The following FOCAD variants were observed in gnomAD, a reference collection of about 807,000 sequenced individuals.
The protein encoded by FOCAD is KIAA1797.
In FOCAD, 198 loss-of-function variants were observed where a neutral mutation model predicts 225.6. The observed-to-expected ratio is 0.88, with a 90% CI of 0.78 to 0.99. FOCAD has a LOEUF of 0.99. Ranked by LOEUF, FOCAD falls within the 50% of genes least tolerant of loss-of-function variation. FOCAD has a pLI of 0.00. For missense variants in FOCAD, 2,713 were observed against 2,123.6 expected (o/e 1.28, Z -5.46); for synonymous variants, 897 against 755.0 (o/e 1.19, Z -3.08).
chr9:20,791,116 G>C (rs996007303), intron 11 of FOCAD, among the ~76,000 whole-genome samples: 1 of 152,022 alleles, frequency 6.6e-6, no homozygotes, highest in Non-Finnish European at 1.5e-5. Flanking sequence ...ATAATGCCTG[G>C]AGATTATCTA....
chr9:20,802,763 A>G (rs572194619), intron 11 of FOCAD, among the ~76,000 whole-genome samples: 3 of 152,268 alleles, frequency 2.0e-5, no homozygotes, highest in African/African-American at 4.8e-5. Context: ...TTAATTTGAT[A>G]TAGGCGGAAT....
At chr9:20,845,442 G>GAGATATATATATATATATATATAT (rs368497237) in intron 15 of FOCAD, among the ~76,000 whole-genome samples, 319 of 121,110 alleles carry the variant, frequency 2.6e-3, no homozygotes, top group African/African-American at 6.3e-3. Flanking sequence ...TCTTTTCCTC[G>GAGATATATATATATATATATATAT]ATATATATAT....
chr9:20,948,169 G>T, intron 30 of FOCAD, 102 bp from the exon 31 acceptor site: 1 of 1,100,174 alleles, frequency 9.1e-7, no homozygotes. Context: ...TTGTCATTAG[G>T]AAAGTTAGCA....
intron 28 of FOCAD, among the ~76,000 whole-genome samples, chr9:20,939,427 A>G (rs1836399627): frequency 6.6e-6 from 1 of 152,018 alleles, no homozygotes; most frequent in Non-Finnish European, 1.5e-5. Context: ...AAGATGTTAT[A>G]AAGTTGGGAA....
At chr9:20,991,068 G>A (rs898301473) in intron 42 of FOCAD, among the ~76,000 whole-genome samples, 3 of 152,176 alleles carry the variant, frequency 2.0e-5, no homozygotes, top group African/African-American at 7.2e-5. Context: ...TTGGGTGAAG[G>A]GGAAGATGAC....
At chr9:20,952,901 G>T in intron 34 of FOCAD, 84 bp from the exon 35 acceptor site, 1 of 1,056,080 alleles carries the variant, frequency 9.5e-7, no homozygotes, top group South Asian at 1.3e-5. Flanking sequence ...TCTCTAGGTT[G>T]ATATGGCAGC....
chr9:20,941,820 G>A (rs1159737236), intron 28 of FOCAD, among the ~76,000 whole-genome samples: 1 of 152,034 alleles, frequency 6.6e-6, no homozygotes, highest in East Asian at 1.9e-4. Context: ...TGCTTTCAGT[G>A]GACAGAAAGT....
chr9:20,839,792 TTG>T (rs1180984304), intron 15 of FOCAD, among the ~76,000 whole-genome samples: 9 of 152,076 alleles, frequency 5.9e-5, no homozygotes, highest in Admixed American at 2.6e-4. Context: ...TATCATTTCT[TTG>T]TGTTATGAAC....
At chr9:20,974,602 T>G in intron 35 of FOCAD, among the ~76,000 whole-genome samples, 1 of 150,020 alleles carries the variant, frequency 6.7e-6, no homozygotes, top group African/African-American at 2.5e-5. Flanking sequence ...TGGCCTCTGC[T>G]TCTCCTTTTT....
At position 20,789,425 on chromosome 9, in the gene FOCAD, A is replaced by G. The variant is rs75184203; in HGVS notation, c.1272A>G (p.Val424=). Residue 424 remains valine, a synonymous_variant, in exon 11 of 44, where the codon GTA becomes GTG. Transcript: ENST00000338382. ...TTACAGCCTGGAGGATTCTTGAAGT[A>G]ATGACAGACTCGTCTGCTGCAAGTG... is the stretch of plus-strand genomic sequence containing the variant. The part of the protein sequence containing the change: ...TIFTAWRILE[V]MTDSSAASDW... 3.6e-4 allele frequency: 573 copies of G among 1,614,038 alleles called. 2 individuals are homozygous for G. In the African/African-American group the frequency reaches 6.7e-3, roughly 19 times the overall value.
In FOCAD at chr9:20,988,911, C is replaced by T. The variant is rs549136042; in HGVS notation, c.5004+482C>T. On this transcript the variant is annotated intron_variant, in intron 41 of 43. Transcript: ENST00000338382. ...GTGTATGCAGATAATCTTATGTGTG[C>T]CAATACTTATGTGCATGTGTGCATA... Among the ~76,000 whole-genome samples the T allele has an allele frequency of 7.2e-5, 11 of 152,174 alleles. No individual in the cohort carries two copies. In the East Asian group the frequency reaches 1.7e-3, roughly 24 times the overall value.
intron 10 of FOCAD, chr9:20,786,868 C>T: frequency 5.2e-6 from 1 of 191,766 alleles, no homozygotes; most frequent in Non-Finnish European, 1.1e-5. Context: ...ATATATAATT[C>T]ACATAACATA....
intron 11 of FOCAD, among the ~76,000 whole-genome samples, chr9:20,797,746 G>A (rs1198443671): frequency 6.6e-6 from 1 of 152,108 alleles, no homozygotes; most frequent in Non-Finnish European, 1.5e-5. Context: ...CAGATTTTGG[G>A]CTGAGACGAT....
intron 1 of FOCAD, among the ~76,000 whole-genome samples, chr9:20,698,788 T>C (rs1563887520): frequency 6.6e-6 from 1 of 152,258 alleles, no homozygotes; most frequent in South Asian, 2.1e-4. Context: ...TTTCAATTAC[T>C]GATCAATATT....
chr9:20,987,124 C>G (rs1275589880), intron 40 of FOCAD, among the ~76,000 whole-genome samples: 1 of 152,178 alleles, frequency 6.6e-6, no homozygotes, highest in African/African-American at 2.4e-5. Context: ...GGCTGGGAAG[C>G]TTGTGCGACT....
At chr9:20,979,389 A>G (rs996610969) in intron 37 of FOCAD, among the ~76,000 whole-genome samples, 2 of 152,128 alleles carry the variant, frequency 1.3e-5, no homozygotes, top group African/African-American at 4.8e-5. Context: ...CCCAGGCTGG[A>G]GTGCAGTGGC....
At chr9:20,931,457 G>A (rs1466806632) in intron 27 of FOCAD, among the ~76,000 whole-genome samples, 1 of 152,086 alleles carries the variant, frequency 6.6e-6, no homozygotes, top group African/African-American at 2.4e-5. Flanking sequence ...TTTGCCTTTT[G>A]ATACTAATAA....
At chr9:20,962,202 T>G (rs1174284402) in intron 35 of FOCAD, among the ~76,000 whole-genome samples, 3 of 152,154 alleles carry the variant, frequency 2.0e-5, no homozygotes, top group Non-Finnish European at 1.5e-5. Context: ...CTATATATTT[T>G]CATGGTGCGT....
At chr9:20,717,928 C>T (rs1356574936) in intron 3 of FOCAD, 60 bp downstream of exon 3, 2 of 1,281,730 alleles carry the variant, frequency 1.6e-6, no homozygotes, top group African/African-American at 1.5e-5. Flanking sequence ...AGCTGGATCA[C>T]ATATGCACCT....
Sources: gnomAD v4.1 joint callset for allele counts (sites outside exome capture counted in the v4.1 genomes callset) on GRCh38, gnomAD v4.1.1 for gene constraint, MANE v1.5 for transcripts, NCBI Gene and HGNC (gene_info 2026-07-23, HGNC 2026-07-21) for gene names.